LHFPL3: variants seen among roughly 807,000 people sequenced by gnomAD.
LHFPL3 encodes the protein LHFPL tetraspan subfamily member 3 protein.
A neutral mutation model predicts 19.3 loss-of-function variants in LHFPL3; 5 were observed. The observed-to-expected ratio is 0.26, with a 90% CI of 0.14 to 0.54. LHFPL3 has a LOEUF of 0.54. Ranked by LOEUF, LHFPL3 falls within the 20% of genes least tolerant of loss-of-function variation. The probability of loss-of-function intolerance (pLI) is 0.94; values close to 1 mark genes in which losing one functional copy is unlikely to be tolerated. For synonymous variants in LHFPL3, 133 were observed against 126.2 expected (o/e 1.05, Z -0.36); for missense variants, 249 against 307.4 (o/e 0.81, Z 1.42).
chr7:104,862,153 CTTCT>C (rs1353932479), intron 2 of LHFPL3, among the ~76,000 whole-genome samples: 1 of 152,106 alleles, frequency 6.6e-6, no homozygotes, highest in Non-Finnish European at 1.5e-5. Flanking sequence ...CAAATGCCAC[CTTCT>C]TTGAGTTTAA....
chr7:104,843,600 T>A (rs1791255432), intron 2 of LHFPL3, among the ~76,000 whole-genome samples: 1 of 152,154 alleles, frequency 6.6e-6, no homozygotes, highest in African/African-American at 2.4e-5. Context: ...AATACTCACA[T>A]CCTGAAAAGA....
At chr7:104,329,269 C>T in intron 1 of LHFPL3, 45 bp downstream of exon 1, 2 of 1,546,258 alleles carry the variant, frequency 1.3e-6, no homozygotes, top group Non-Finnish European at 1.7e-6. Context: ...CCCCGGGGCG[C>T]CCGAGCCGGG....
At chr7:104,363,368 G>C (rs750153897) in intron 1 of LHFPL3, among the ~76,000 whole-genome samples, 1 of 152,224 alleles carries the variant, frequency 6.6e-6, no homozygotes, top group Non-Finnish European at 1.5e-5. Context: ...AATTATAAAT[G>C]GTTTCTGATT....
intron 1 of LHFPL3, among the ~76,000 whole-genome samples, chr7:104,655,994 T>C (rs1181916702): frequency 6.6e-6 from 1 of 152,244 alleles, no homozygotes; most frequent in Non-Finnish European, 1.5e-5. Flanking sequence ...GCAGGTTTCA[T>C]TTCTCTCATC....
chr7:104,509,978 C>T (rs7781763), intron 1 of LHFPL3, among the ~76,000 whole-genome samples: 9,382 of 152,018 alleles, frequency 0.062, 926 homozygotes, highest in African/African-American at 0.21. Context: ...AAGTGCAGTA[C>T]TATTTATAAT....
chr7:104,537,954 G>A (rs998325079), intron 1 of LHFPL3, among the ~76,000 whole-genome samples: 1 of 152,146 alleles, frequency 6.6e-6, no homozygotes, highest in Non-Finnish European at 1.5e-5. Flanking sequence ...ACCTCAACGG[G>A]CTATACAGAT....
intron 1 of LHFPL3, among the ~76,000 whole-genome samples, chr7:104,403,713 C>T (rs1373948233): frequency 6.7e-6 from 1 of 148,896 alleles, no homozygotes; most frequent in Non-Finnish European, 1.5e-5. Context: ...CTAATCATGT[C>T]CTTAGTGAAC....
chr7:104,645,367 G>T (rs1056070840), intron 1 of LHFPL3, among the ~76,000 whole-genome samples: 2 of 152,172 alleles, frequency 1.3e-5, no homozygotes, highest in Non-Finnish European at 2.9e-5. Flanking sequence ...AAGGGAAAGT[G>T]GGAGACAAAA....
intron 1 of LHFPL3, among the ~76,000 whole-genome samples, chr7:104,365,797 A>AAAAAAAAAAAAAAAAG (rs1554381866): frequency 5.4e-4 from 68 of 125,970 alleles, no homozygotes; most frequent in Admixed American, 7.5e-4. Context: ...CAAAAAAAAA[A>AAAAAAAAAAAAAAAAG]AAAAAAAAGA....
chr7:104,486,571 C>A (rs1335352151), intron 1 of LHFPL3, among the ~76,000 whole-genome samples: 1 of 152,080 alleles, frequency 6.6e-6, no homozygotes, highest in Non-Finnish European at 1.5e-5. Flanking sequence ...AGGCACTAAT[C>A]CCCTCCAAAG....
chr7:104,430,723 C>T (rs1445686333), intron 1 of LHFPL3, among the ~76,000 whole-genome samples: 1 of 151,466 alleles, frequency 6.6e-6, no homozygotes, highest in Non-Finnish European at 1.5e-5. Context: ...CCACCTCGGC[C>T]TCCCAAAGTG....
At chr7:104,405,019 G>A (rs1239111518) in intron 1 of LHFPL3, among the ~76,000 whole-genome samples, 1 of 152,138 alleles carries the variant, frequency 6.6e-6, no homozygotes, top group Non-Finnish European at 1.5e-5. Context: ...AATTCAATAA[G>A]TTGTTATAGT....
intron 1 of LHFPL3, among the ~76,000 whole-genome samples, chr7:104,571,032 T>C (rs73409791): frequency 0.11 from 17,038 of 152,190 alleles, 2,032 homozygotes; most frequent in African/African-American, 0.31. Flanking sequence ...AGAGCTTTTT[T>C]GGAGAACCCA....
intron 2 of LHFPL3, among the ~76,000 whole-genome samples, chr7:104,890,179 T>C (rs1168340518): frequency 6.6e-6 from 1 of 152,140 alleles, no homozygotes; most frequent in Non-Finnish European, 1.5e-5. Flanking sequence ...TGGCACTCAC[T>C]TATAGTCTAG....
chr7:104,448,264 C>T (rs1234446784), intron 1 of LHFPL3, among the ~76,000 whole-genome samples: 3 of 152,114 alleles, frequency 2.0e-5, no homozygotes, highest in Non-Finnish European at 4.4e-5. Context: ...CTTTTGCTTT[C>T]TTCAGTGTCT....
At chr7:104,740,600 G>A (rs933948483) in intron 2 of LHFPL3, among the ~76,000 whole-genome samples, 4 of 152,196 alleles carry the variant, frequency 2.6e-5, no homozygotes, top group Non-Finnish European at 5.9e-5. Flanking sequence ...CAATCATGGT[G>A]GAAGGCAAAG....
chr7:104,474,683 ACAAC>A (rs1455439414), intron 1 of LHFPL3, among the ~76,000 whole-genome samples: 4 of 117,266 alleles, frequency 3.4e-5, no homozygotes, highest in African/African-American at 9.6e-5. Flanking sequence ...AACAACAACA[ACAAC>A]AAAAAAAAAA....
chr7:104,662,125 G>T (rs1792234552), intron 1 of LHFPL3, among the ~76,000 whole-genome samples: 1 of 152,118 alleles, frequency 6.6e-6, no homozygotes, highest in Admixed American at 6.6e-5. Flanking sequence ...TTTCTTGAAT[G>T]TTTTATTTAA....
chr7:104,603,429 G>A (rs1791025673), intron 1 of LHFPL3, among the ~76,000 whole-genome samples: 1 of 152,028 alleles, frequency 6.6e-6, no homozygotes, highest in Non-Finnish European at 1.5e-5. Flanking sequence ...TTAAACCACA[G>A]CATTGCACCC....
Sources: gnomAD v4.1 joint callset for allele counts (sites outside exome capture counted in the v4.1 genomes callset) on GRCh38, gnomAD v4.1.1 for gene constraint, MANE v1.5 for transcripts, NCBI Gene and HGNC (gene_info 2026-07-23, HGNC 2026-07-21) for gene names.